The following TMPRSS15 variants were observed in gnomAD, a reference collection of about 807,000 sequenced individuals.
The protein encoded by TMPRSS15 is transmembrane serine protease 15.
In TMPRSS15, 128 loss-of-function variants were observed where a neutral mutation model predicts 125.3. The observed-to-expected ratio is 1.02, with a 90% CI of 0.89 to 1.18. The LOEUF (loss-of-function observed/expected upper bound fraction) is 1.18, where lower values mean the gene tolerates loss of function less well. Among genes scored for constraint, TMPRSS15 ranks in the 50% most tolerant of loss-of-function variants. The probability of loss-of-function intolerance (pLI) is 0.00; values close to 1 mark genes in which losing one functional copy is unlikely to be tolerated. For missense variants in TMPRSS15, 1,283 were observed against 1,212.7 expected (o/e 1.06, Z -0.86); for synonymous variants, 446 against 423.2 (o/e 1.05, Z -0.66).
intron 3 of TMPRSS15, among the ~76,000 whole-genome samples, chr21:18,386,960 A>G (rs1389297979): frequency 1.3e-5 from 2 of 152,284 alleles, no homozygotes; most frequent in African/African-American, 4.8e-5. Flanking sequence ...GGCATAAAAC[A>G]TTTTTCTTTG....
At chr21:18,276,463 G>A (rs1485255733) in intron 23 of TMPRSS15, among the ~76,000 whole-genome samples, 1 of 152,156 alleles carries the variant, frequency 6.6e-6, no homozygotes, top group African/African-American at 2.4e-5. Context: ...TAAAATGGAG[G>A]AGAAAATTTG....
intron 1 of TMPRSS15, among the ~76,000 whole-genome samples, chr21:18,415,214 T>C (rs942340913): frequency 7.2e-5 from 11 of 152,120 alleles, no homozygotes; most frequent in African/African-American, 2.2e-4. Flanking sequence ...TTACTTGTCT[T>C]TTTGCTATTG....
At chr21:18,346,090 T>C (rs2075506059) in intron 10 of TMPRSS15, among the ~76,000 whole-genome samples, 1 of 152,088 alleles carries the variant, frequency 6.6e-6, no homozygotes. Context: ...TTGAATATAG[T>C]AAAATAATAT....
chr21:18,440,372 CAAA>C (rs539968323), intron 1 of TMPRSS15, among the ~76,000 whole-genome samples: 9 of 47,430 alleles, frequency 1.9e-4, no homozygotes, highest in African/African-American at 7.5e-4. Context: ...AACTCCGTCT[CAAA>C]AAAAAAAAAA....
intron 1 of TMPRSS15, among the ~76,000 whole-genome samples, chr21:18,402,260 G>A (rs933620637): frequency 6.6e-6 from 1 of 152,032 alleles, no homozygotes; most frequent in Non-Finnish European, 1.5e-5. Flanking sequence ...GGAAAGATAC[G>A]GTGGCTCATG....
intron 24 of TMPRSS15, among the ~76,000 whole-genome samples, chr21:18,273,088 C>A (rs908779753): frequency 2.0e-5 from 3 of 152,140 alleles, no homozygotes; most frequent in Non-Finnish European, 4.4e-5. Flanking sequence ...GGAGGCCACG[C>A]ATTGAAAGCC....
rs1370557494 is a variant in TMPRSS15 at position 18,433,680 on chromosome 21, A to AAG, written c.11-35352_11-35351insCT. Among the ~76,000 whole-genome samples the AAG allele has an allele frequency of 1.3e-5, 2 of 150,796 alleles. 1 individual carries two copies. Among genetic ancestry groups the AAG allele is most frequent in the East Asian group, 3.9e-4 (2 of 5,168 alleles). The stretch of plus-strand genomic sequence containing the variant: ...CCTTGTCTCAAAAAAAAAAAAAAAA[A>AAG]AAAAAAGAAAATAACATAGTTTGAG... On this transcript the variant is annotated intron_variant, in intron 1 of 7. Transcript: ENST00000422787.
chr21:18,414,105 T>C (rs1165598080), intron 1 of TMPRSS15, among the ~76,000 whole-genome samples: 2 of 152,238 alleles, frequency 1.3e-5, no homozygotes, highest in Admixed American at 1.3e-4. Flanking sequence ...GTCATTAGAA[T>C]GTTAAGATAT....
chr21:18,441,713 C>T (rs554678186), intron 1 of TMPRSS15, among the ~76,000 whole-genome samples: 120 of 145,250 alleles, frequency 8.3e-4, no homozygotes, highest in African/African-American at 2.4e-3. Context: ...TATTTTGAGT[C>T]AGAGTCTCAC....
chr21:18,482,620 T>C (rs911753481), intron 1 of TMPRSS15, among the ~76,000 whole-genome samples: 18 of 151,632 alleles, frequency 1.2e-4, no homozygotes, highest in Non-Finnish European at 2.2e-4. Context: ...TTATATTCCT[T>C]CAATTTTTTT....
chr21:18,472,232 T>A (rs1978794413), intron 1 of TMPRSS15, among the ~76,000 whole-genome samples: 1 of 152,006 alleles, frequency 6.6e-6, no homozygotes, highest in African/African-American at 2.4e-5. Context: ...GAAATTTTTT[T>A]TTGTTCTATG....
chr21:18,450,521 C>T (rs754112892), intron 1 of TMPRSS15, among the ~76,000 whole-genome samples: 1 of 151,990 alleles, frequency 6.6e-6, no homozygotes, highest in Non-Finnish European at 1.5e-5. Context: ...TTTCAAAAGC[C>T]GAGTTCTGGG....
At chr21:18,362,864 T>C (rs1181182299) in intron 7 of TMPRSS15, among the ~76,000 whole-genome samples, 1 of 152,140 alleles carries the variant, frequency 6.6e-6, no homozygotes. Flanking sequence ...AGATCACACA[T>C]CTTGATCTGA....
chr21:18,463,246 C>CAAAAAAAAAAAAAAAAAAAAAAAAAAAAA (rs57033426), intron 1 of TMPRSS15, among the ~76,000 whole-genome samples: 1 of 11,516 alleles, frequency 8.7e-5, no homozygotes, highest in Non-Finnish European at 1.7e-4. Flanking sequence ...AAATGGAAAG[C>CAAAAAAAAAAAAAAAAAAAAAAAAAAAAA]AAAAAAAAAA....
intron 12 of TMPRSS15, among the ~76,000 whole-genome samples, chr21:18,343,251 G>T (rs771818631): frequency 6.6e-6 from 1 of 152,106 alleles, no homozygotes; most frequent in Non-Finnish European, 1.5e-5. Context: ...TATTCTAAAA[G>T]ACTTCGATGT....
chr21:18,318,327 T>A (rs924555709), intron 16 of TMPRSS15, among the ~76,000 whole-genome samples: 14 of 152,204 alleles, frequency 9.2e-5, no homozygotes, highest in Non-Finnish European at 2.1e-4. Flanking sequence ...AACAATGCTC[T>A]GAAGAGCTCA....
At chr21:18,292,317 A>C (rs2074848097) in intron 21 of TMPRSS15, among the ~76,000 whole-genome samples, 1 of 152,178 alleles carries the variant, frequency 6.6e-6, no homozygotes, top group Non-Finnish European at 1.5e-5. Flanking sequence ...TTTGTGACTC[A>C]GGAGCTTTCA....
At chr21:18,370,145 T>G (rs975242801) in intron 6 of TMPRSS15, among the ~76,000 whole-genome samples, 10 of 152,056 alleles carry the variant, frequency 6.6e-5, no homozygotes, top group African/African-American at 2.2e-4. Context: ...TTAAGATAAT[T>G]ACTTCCATTC....
At chr21:18,405,940 T>TA (rs1422695169), upstream of TMPRSS15, among the ~76,000 whole-genome samples, 10 of 152,326 alleles carry the variant, frequency 6.6e-5, no homozygotes, top group South Asian at 1.7e-3. Flanking sequence ...AAAGTGTATC[T>TA]AAAAAATAAA....
Sources: allele counts gnomAD v4.1 joint callset (sites outside exome capture counted in the v4.1 genomes callset), GRCh38; gene constraint gnomAD v4.1.1; transcripts MANE v1.5; gene names NCBI Gene and HGNC (gene_info 2026-07-23, HGNC 2026-07-21).